KCNIP1: variants seen among roughly 807,000 people sequenced by gnomAD.
KCNIP1 encodes the protein A-type potassium channel modulatory protein KCNIP1.
KCNIP1 carries 18 observed loss-of-function variants against 33.0 expected under a neutral mutation model. The observed-to-expected ratio is 0.55, with a 90% CI of 0.38 to 0.81. KCNIP1 has a LOEUF of 0.81. Among genes scored for constraint, KCNIP1 ranks in the 30% least tolerant of loss-of-function variants. The probability of loss-of-function intolerance (pLI) is 0.00; values close to 1 mark genes in which losing one functional copy is unlikely to be tolerated. For missense variants in KCNIP1, 238 were observed against 271.6 expected, an observed-to-expected ratio of 0.88 and a Z score of 0.87; for synonymous variants, 93 against 98.3, an observed-to-expected ratio of 0.95 and a Z score of 0.32.
At chr5:170,696,446 G>A (rs1346931387) in intron 1 of KCNIP1, among the ~76,000 whole-genome samples, 1 of 152,154 alleles carries the variant, frequency 6.6e-6, no homozygotes, top group Non-Finnish European at 1.5e-5. Flanking sequence ...TTGTCTTTTT[G>A]TCTTGCAGTG....
chr5:170,730,531 A>G (rs1277674862), intron 5 of KCNIP1, among the ~76,000 whole-genome samples: 1 of 152,196 alleles, frequency 6.6e-6, no homozygotes, highest in Non-Finnish European at 1.5e-5. Flanking sequence ...TCTTTCTGTG[A>G]TTAAAAAAAA....
At chr5:170,384,396 G>A (rs1337400453) in intron 1 of KCNIP1, among the ~76,000 whole-genome samples, 6 of 152,230 alleles carry the variant, frequency 3.9e-5, no homozygotes, top group Non-Finnish European at 8.8e-5. Context: ...AGATGTAGAA[G>A]GGGTTTGAGT....
chr5:170,358,632 A>G (rs1375640056), intron 1 of KCNIP1, among the ~76,000 whole-genome samples: 1 of 152,230 alleles, frequency 6.6e-6, no homozygotes, highest in African/African-American at 2.4e-5. Context: ...TAATGTAATG[A>G]TGATATGAGT....
chr5:170,651,270 G>A (rs1217723964), intron 1 of KCNIP1, among the ~76,000 whole-genome samples: 2 of 152,160 alleles, frequency 1.3e-5, no homozygotes, highest in African/African-American at 4.8e-5. Flanking sequence ...CAAAGCCAAG[G>A]CTTGGAGTGG....
At chr5:170,712,337 C>T (rs936796195) in intron 1 of KCNIP1, among the ~76,000 whole-genome samples, 1 of 152,158 alleles carries the variant, frequency 6.6e-6, no homozygotes, top group Non-Finnish European at 1.5e-5. Context: ...TCCAAGAGAA[C>T]AGAGAACAGA....
intron 5 of KCNIP1, among the ~76,000 whole-genome samples, chr5:170,729,368 T>C (rs557026411): frequency 6.6e-6 from 1 of 152,218 alleles, no homozygotes; most frequent in Admixed American, 6.5e-5. Context: ...GGATTGATAT[T>C]CCTCAGTAGA....
chr5:170,660,612 C>T (rs545269710), intron 1 of KCNIP1, among the ~76,000 whole-genome samples: 2 of 152,304 alleles, frequency 1.3e-5, no homozygotes, highest in South Asian at 4.1e-4. Context: ...GGATTTCAAC[C>T]CTGGGCTTAG....
intron 1 of KCNIP1, among the ~76,000 whole-genome samples, chr5:170,639,834 A>G (rs1485391594): frequency 6.6e-6 from 1 of 152,220 alleles, no homozygotes; most frequent in Admixed American, 6.5e-5. Context: ...GTGTATGATC[A>G]ACTCCCTCCC....
intron 1 of KCNIP1, among the ~76,000 whole-genome samples, chr5:170,546,906 G>A (rs190769729): frequency 4.1e-4 from 63 of 152,134 alleles, no homozygotes; most frequent in Non-Finnish European, 8.2e-4. Flanking sequence ...TTCTATCTGT[G>A]CTAATTTTCC....
chr5:170,591,308 G>C (rs1008290181), intron 1 of KCNIP1, among the ~76,000 whole-genome samples: 10 of 152,310 alleles, frequency 6.6e-5, no homozygotes, highest in Non-Finnish European at 1.2e-4. Flanking sequence ...ATGGAGGCAG[G>C]GGCCACAGCC....
intron 1 of KCNIP1, among the ~76,000 whole-genome samples, chr5:170,670,571 TC>T (rs1761876080): frequency 6.6e-6 from 1 of 151,964 alleles, no homozygotes. Context: ...AGGCTGAGCT[TC>T]CCCCAGCAGG....
chr5:170,660,301 T>C (rs1761424289), intron 1 of KCNIP1, among the ~76,000 whole-genome samples: 1 of 151,348 alleles, frequency 6.6e-6, no homozygotes, highest in Non-Finnish European at 1.5e-5. Flanking sequence ...GCCCTCAAGA[T>C]ATAATAAAAA....
At chr5:170,461,777 T>C (rs1366603187) in intron 1 of KCNIP1, among the ~76,000 whole-genome samples, 1 of 145,956 alleles carries the variant, frequency 6.9e-6, no homozygotes, top group Admixed American at 6.8e-5. Context: ...AATAGACCAA[T>C]GGAACAGAAG....
chr5:170,540,154 G>A (rs950115630), intron 1 of KCNIP1, among the ~76,000 whole-genome samples: 1 of 152,096 alleles, frequency 6.6e-6, no homozygotes. Context: ...AGATTCCAGG[G>A]AAATCATCTC....
At chr5:170,546,227 A>G (rs1756402601) in intron 1 of KCNIP1, among the ~76,000 whole-genome samples, 1 of 152,220 alleles carries the variant, frequency 6.6e-6, no homozygotes, top group South Asian at 2.1e-4. Flanking sequence ...GGCTATCTTC[A>G]AAATCTGGCA....
intron 1 of KCNIP1, among the ~76,000 whole-genome samples, chr5:170,659,492 A>G (rs921777914): frequency 6.6e-6 from 1 of 152,184 alleles, no homozygotes; most frequent in Admixed American, 6.5e-5. Context: ...GAAAAACCAC[A>G]TTGCCTGAAT....
chr5:170,423,894 C>T (rs540156440), intron 1 of KCNIP1, among the ~76,000 whole-genome samples: 3 of 152,248 alleles, frequency 2.0e-5, no homozygotes, highest in South Asian at 4.2e-4. Context: ...AGCTACCAAA[C>T]GGAGGTAGCG....
chr5:170,625,376 G>A (rs574970069), intron 1 of KCNIP1, among the ~76,000 whole-genome samples: 66 of 152,190 alleles, frequency 4.3e-4, no homozygotes, highest in African/African-American at 1.5e-3. Context: ...TCGGGCCTGT[G>A]GCTGCACTAC....
At chr5:170,425,913 G>C (rs1304104227) in intron 1 of KCNIP1, among the ~76,000 whole-genome samples, 3 of 152,226 alleles carry the variant, frequency 2.0e-5, no homozygotes, top group Non-Finnish European at 4.4e-5. Context: ...TGGCAGCCAT[G>C]GGGACAGCTT....
Sources: gnomAD v4.1 joint callset for allele counts (sites outside exome capture counted in the v4.1 genomes callset) on GRCh38, gnomAD v4.1.1 for gene constraint, MANE v1.5 for transcripts, NCBI Gene and HGNC (gene_info 2026-07-23, HGNC 2026-07-21) for gene names.